Variants in UBE2K observed in about 807,000 individuals in gnomAD.
The protein encoded by UBE2K is ubiquitin-conjugating enzyme E2 K.
UBE2K carries 6 observed loss-of-function variants against 30.0 expected under a neutral mutation model. The observed-to-expected ratio is 0.20, with a 90% CI of 0.11 to 0.39. UBE2K has a LOEUF of 0.39. Ranked by LOEUF, UBE2K falls within the 10% of genes least tolerant of loss-of-function variation. UBE2K has a pLI of 1.00. For synonymous variants in UBE2K, 86 were observed against 83.7 expected (o/e 1.03, Z -0.15); for missense variants, 61 against 241.6 (o/e 0.25, Z 4.96).
chr4:39,749,369 G>T (rs1421712345), intron 3 of UBE2K, among the ~76,000 whole-genome samples: 1 of 152,124 alleles, frequency 6.6e-6, no homozygotes, highest in African/African-American at 2.4e-5. Context: ...TATCCTGCTT[G>T]AATAGAGCAG....
intron 4 of UBE2K, among the ~76,000 whole-genome samples, chr4:39,764,245 A>C (rs1712159988): frequency 6.6e-6 from 1 of 152,194 alleles, no homozygotes; most frequent in African/African-American, 2.4e-5. Context: ...GTCTAAGGTG[A>C]GAAAATCACT....
intron 1 of UBE2K, among the ~76,000 whole-genome samples, chr4:39,707,860 A>C (rs545978927): frequency 3.8e-4 from 57 of 151,818 alleles, no homozygotes; most frequent in African/African-American, 1.3e-3. Flanking sequence ...GACTGACCTC[A>C]AATTTCAGGA....
chr4:39,775,027 T>C, intron 5 of UBE2K, 94 bp downstream of exon 5: 1 of 626,714 alleles, frequency 1.6e-6, no homozygotes. Flanking sequence ...CATACTCTAT[T>C]GAAACTAAAT....
At chr4:39,758,431 G>A (rs1211605136) in intron 4 of UBE2K, among the ~76,000 whole-genome samples, 2 of 152,162 alleles carry the variant, frequency 1.3e-5, no homozygotes, top group Non-Finnish European at 2.9e-5. Context: ...TAATTCCAAC[G>A]CTTTAGAAGG....
At chr4:39,708,012 T>C (rs1399987883) in intron 1 of UBE2K, among the ~76,000 whole-genome samples, 2 of 151,984 alleles carry the variant, frequency 1.3e-5, no homozygotes, top group Non-Finnish European at 2.9e-5. Flanking sequence ...TTCTCCTGCC[T>C]CAGTCTCCCG....
intron 4 of UBE2K, among the ~76,000 whole-genome samples, chr4:39,758,228 C>G (rs1202995121): frequency 1.3e-5 from 2 of 152,216 alleles, no homozygotes; most frequent in African/African-American, 2.4e-5. Flanking sequence ...GTCTGCAGAT[C>G]TATTGGCAAA....
chr4:39,729,198 T>G (rs1719937817), intron 1 of UBE2K, among the ~76,000 whole-genome samples: 1 of 152,102 alleles, frequency 6.6e-6, no homozygotes, highest in Non-Finnish European at 1.5e-5. Context: ...CTCGAACTCT[T>G]GACCTTAGAT....
At chr4:39,702,141 C>T (rs566706716) in intron 1 of UBE2K, among the ~76,000 whole-genome samples, 1 of 151,308 alleles carries the variant, frequency 6.6e-6, no homozygotes, top group South Asian at 2.1e-4. Context: ...TCAGTGCACT[C>T]TCTTGTTGGT....
At position 39,733,332 on chromosome 4, in the gene UBE2K, A is replaced by ATTT. The variant is rs34069872; in HGVS notation, c.64-4071_64-4069dup. On this transcript the variant is annotated intron_variant, in intron 1 of 6. Coordinates refer to ENST00000261427, the MANE Select transcript of UBE2K (RefSeq NM_005339.5). ...ATTAATTTTGTAAAATCGGGCTTTAATTTTTTTTTTTTTTTTTTTGAGACA... is the reference window on the plus strand; with the variant it reads ...ATTAATTTTGTAAAATCGGGCTTTAATTTTTTTTTTTTTTTTTTTTTTGAGACA... Among the ~76,000 whole-genome samples, 1,198 of 128,990 alleles carry ATTT rather than the reference A, an allele frequency of 9.3e-3. 17 individuals carry two copies. The highest frequency in any genetic ancestry group is 0.016 in the East Asian group (70 of 4,478). 84.6% of individuals were successfully genotyped at this position (128,990 alleles called of 152,430 possible).
chr4:39,728,968 C>T (rs1719922253), intron 1 of UBE2K, among the ~76,000 whole-genome samples: 1 of 148,562 alleles, frequency 6.7e-6, no homozygotes, highest in Admixed American at 6.8e-5. Context: ...CGCACAGCCC[C>T]CCACCTTTTT....
chr4:39,757,575 A>G (rs946189877), intron 4 of UBE2K, among the ~76,000 whole-genome samples: 5 of 152,014 alleles, frequency 3.3e-5, no homozygotes, highest in Non-Finnish European at 7.4e-5. Context: ...TCTATATTCC[A>G]TATAGATCAA....
chr4:39,734,105 A>ATTT (rs11417002), intron 1 of UBE2K, among the ~76,000 whole-genome samples: 15 of 136,270 alleles, frequency 1.1e-4, no homozygotes, highest in Admixed American at 6.9e-4. Context: ...GCCCTCTAGA[A>ATTT]TTTTTTTTTT....
chr4:39,723,333 A>ATCAT (rs1470851221), intron 1 of UBE2K, among the ~76,000 whole-genome samples: 1 of 145,888 alleles, frequency 6.9e-6, no homozygotes, highest in Non-Finnish European at 1.5e-5. Context: ...ATGAGCCATG[A>ATCAT]GCCATTGTAC....
At chr4:39,742,223 G>T (rs770846238) in intron 2 of UBE2K, among the ~76,000 whole-genome samples, 6 of 152,056 alleles carry the variant, frequency 3.9e-5, no homozygotes, top group Admixed American at 6.5e-5. Flanking sequence ...AAAAGCCTAT[G>T]TAGTGCTGAA....
At chr4:39,708,667 T>C (rs1447858399) in intron 1 of UBE2K, among the ~76,000 whole-genome samples, 1 of 152,046 alleles carries the variant, frequency 6.6e-6, no homozygotes, top group Non-Finnish European at 1.5e-5. Flanking sequence ...TGTGCCAAAA[T>C]GTATTGAATT....
chr4:39,719,806 A>G (rs563518920), intron 1 of UBE2K, among the ~76,000 whole-genome samples: 44 of 152,198 alleles, frequency 2.9e-4, no homozygotes, highest in Non-Finnish European at 6.0e-4. Context: ...TTTTTGTTGT[A>G]TAGAATATAG....
intron 1 of UBE2K, among the ~76,000 whole-genome samples, chr4:39,733,492 C>T (rs1422675078): frequency 6.6e-6 from 1 of 151,956 alleles, no homozygotes; most frequent in African/African-American, 2.4e-5. Context: ...GTCAGCACAC[C>T]TGGCTAATTT....
intron 1 of UBE2K, among the ~76,000 whole-genome samples, chr4:39,711,116 C>A: frequency 6.8e-6 from 1 of 146,948 alleles, no homozygotes; most frequent in African/African-American, 2.5e-5. Context: ...TTTTTAAAAA[C>A]AGTTTTTATG....
rs1313146464 is a variant in UBE2K at position 39,782,656 on chromosome 4, T to C, written c.*4222T>C. Reference sequence around the variant, plus strand: ...GGGGTGGAAGGTTGGGGTATTTGTCTTGAGAATTAAAAACTACGAAACACT... The same window carrying C: ...GGGGTGGAAGGTTGGGGTATTTGTCCTGAGAATTAAAAACTACGAAACACT... On this transcript the variant is annotated 3_prime_UTR_variant, in exon 7 of 7. Coordinates refer to ENST00000261427, the MANE Select transcript of UBE2K (RefSeq NM_005339.5). 6.6e-6 allele frequency: 1 copy of C among 152,180 alleles called. No homozygotes were observed. The highest frequency in any genetic ancestry group is 2.4e-5 in the African/African-American group (1 of 41,442). The allele number at this position is 152,180 out of a possible 1,614,324, so 9.4% of individuals were successfully genotyped here. A position where few individuals can be genotyped will look rare whatever the true frequency, so the allele number is the denominator to read the frequency against.
Sources: gnomAD v4.1 joint callset for allele counts (sites outside exome capture counted in the v4.1 genomes callset) on GRCh38, gnomAD v4.1.1 for gene constraint, MANE v1.5 for transcripts, NCBI Gene and HGNC (gene_info 2026-07-23, HGNC 2026-07-21) for gene names.